FBRSL1: variants seen among roughly 807,000 people sequenced by gnomAD.
The protein encoded by FBRSL1 is fibrosin-1-like protein.
FBRSL1 carries 51 observed loss-of-function variants against 89.6 expected under a neutral mutation model. The observed-to-expected ratio is 0.57, with a 90% CI of 0.45 to 0.72. FBRSL1 has a LOEUF of 0.72. FBRSL1 is among the 30% of genes least tolerant of loss of function. The pLI is 0.00. For missense variants in FBRSL1, 1,618 were observed against 1,451.8 expected, an observed-to-expected ratio of 1.11 and a Z score of -1.86; for synonymous variants, 779 against 681.1, an observed-to-expected ratio of 1.14 and a Z score of -2.24.
At chr12:132,547,032 T>A (rs977690817) in intron 4 of FBRSL1, among the ~76,000 whole-genome samples, 1 of 152,204 alleles carries the variant, frequency 6.6e-6, no homozygotes, top group African/African-American at 2.4e-5. Flanking sequence ...CACCAGGTCA[T>A]TCATTCGACG....
intron 7 of FBRSL1, 39 bp from the exon 8 acceptor site, chr12:132,570,296 G>C: frequency 6.6e-7 from 1 of 1,516,738 alleles, no homozygotes; most frequent in Non-Finnish European, 8.8e-7. Context: ...GGGCTCTGCA[G>C]GGGTCGGGCT....
chr12:132,580,809 G>A, intron 15 of FBRSL1: 1 of 985,456 alleles, frequency 1.0e-6, no homozygotes, highest in African/African-American at 1.7e-5. Context: ...CCTGCTCTCT[G>A]GACCCATGTG....
At chr12:132,510,536 C>G in intron 2 of FBRSL1, 1 of 1,231,444 alleles carries the variant, frequency 8.1e-7, no homozygotes, top group Non-Finnish European at 1.0e-6. Context: ...GGCCGCATTG[C>G]CCTTCGGGCT....
At chr12:132,500,399 A>G (rs1186372264) in intron 1 of FBRSL1, among the ~76,000 whole-genome samples, 1 of 152,174 alleles carries the variant, frequency 6.6e-6, no homozygotes, top group Non-Finnish European at 1.5e-5. Flanking sequence ...GTGGCTGAGC[A>G]GGATCAGAAC....
intron 1 of FBRSL1, among the ~76,000 whole-genome samples, chr12:132,506,432 C>T (rs1343487217): frequency 1.3e-5 from 2 of 152,156 alleles, no homozygotes; most frequent in African/African-American, 4.8e-5. Flanking sequence ...ACCACCCGGT[C>T]CCGCCTCCTC....
At chr12:132,547,788 G>A (rs951949560) in intron 4 of FBRSL1, among the ~76,000 whole-genome samples, 7 of 152,122 alleles carry the variant, frequency 4.6e-5, no homozygotes, top group African/African-American at 1.4e-4. Context: ...CATCCCACCC[G>A]GGGGGCTGTG....
In FBRSL1 at chr12:132,582,720, C is replaced by T. The variant is rs906291261; in HGVS notation, c.2202-251C>T. ...GCCCCCCTGTCCTAACAGGGAGGGGCCCGTGGGGAGCCGAAGTCGCTGCAG... is the reference window on the plus strand; with the variant it reads ...GCCCCCCTGTCCTAACAGGGAGGGGTCCGTGGGGAGCCGAAGTCGCTGCAG... On this transcript the variant is annotated intron_variant, in intron 18 of 18. Coordinates refer to ENST00000680143, the MANE Select transcript of FBRSL1 (RefSeq NM_001367871.1). Among the ~76,000 whole-genome samples the T allele has an allele frequency of 3.3e-5, 5 of 152,206 alleles. No individual in the cohort carries two copies. The East Asian group carries it at 5.8e-4, about 18-fold the overall frequency.
chr12:132,514,877 A>G (rs2034696131), intron 2 of FBRSL1, among the ~76,000 whole-genome samples: 1 of 152,242 alleles, frequency 6.6e-6, no homozygotes, highest in African/African-American at 2.4e-5. Flanking sequence ...TACTTTGAAA[A>G]TAGTATTTCA....
intron 7 of FBRSL1, 26 bp downstream of exon 7, chr12:132,570,267 C>T: frequency 6.7e-7 from 1 of 1,502,338 alleles, no homozygotes; most frequent in Non-Finnish European, 8.8e-7. Flanking sequence ...GGGACGGGGC[C>T]TGTGTGGTCT....
rs1163149302 is a variant in FBRSL1 at position 132,491,971 on chromosome 12, T to G, written c.291+1110T>G. ...GGCTCATCACACAGGCTGGCCATCC[T>G]CTGTCCTGCACATTATTAGATGGCT... On this transcript the variant is annotated intron_variant, in intron 1 of 18. Coordinates refer to ENST00000680143, the MANE Select transcript of FBRSL1 (RefSeq NM_001367871.1). Among the ~76,000 whole-genome samples the G allele has an allele frequency of 2.6e-5, 4 of 152,364 alleles. No homozygotes were observed. The South Asian group carries it at 6.2e-4, about 24-fold the overall frequency.
At chr12:132,552,066 C>T (rs2038217664) in intron 5 of FBRSL1, 1 of 208,140 alleles carries the variant, frequency 4.8e-6, no homozygotes, top group Non-Finnish European at 1.0e-5. Context: ...TGGCGTGGGG[C>T]CGACCCCGCA....
chr12:132,521,230 G>A (rs1369498504), intron 2 of FBRSL1, among the ~76,000 whole-genome samples: 2 of 152,242 alleles, frequency 1.3e-5, no homozygotes, highest in African/African-American at 4.8e-5. Context: ...CGGGAGCTGC[G>A]AGGAGGAGGG....
In FBRSL1 at chr12:132,570,382, C is replaced by T. The variant is rs1381173796; in HGVS notation, c.1055C>T (p.Ser352Leu). The T allele has an allele frequency of 2.4e-5, 37 of 1,533,894 alleles. No homozygotes were observed. In the East Asian group the frequency reaches 3.2e-4, roughly 13 times the overall value. The stretch of plus-strand genomic sequence containing the variant: ...GGCCTGGGGAAGCACGTGTCGCTGT[C>T]GCCACACGGGCCGGGCCCCCACCTG... ...PLGLGKHVSL[S>L]PHGPGPHLST... The change falls in exon 8 of 19, where the codon TCG becomes TTG. Residue 352 changes from serine (S) to leucine (L), a missense_variant. Physicochemically the swap from Ser to Leu is moderately radical, Grantham distance 145. Transcript: ENST00000680143.
chr12:132,569,879 A>AG (rs1191406873), intron 6 of FBRSL1, 47 bp from the exon 7 acceptor site: 1 of 1,314,114 alleles, frequency 7.6e-7, no homozygotes, highest in East Asian at 3.1e-5. Context: ...CAGGAGGGGC[A>AG]GGGACGAGGC....
At chr12:132,556,039 T>C (rs2038606386) in intron 5 of FBRSL1, among the ~76,000 whole-genome samples, 1 of 152,164 alleles carries the variant, frequency 6.6e-6, no homozygotes, top group Non-Finnish European at 1.5e-5. Context: ...TGGGTTTCTG[T>C]GTTTCCGCGA....
intron 1 of FBRSL1, chr12:132,507,068 A>T: frequency 2.5e-6 from 1 of 395,828 alleles, no homozygotes; most frequent in Non-Finnish European, 3.4e-6. Context: ...GTCTGCCCTT[A>T]CCGGAGGGAC....
intron 4 of FBRSL1, among the ~76,000 whole-genome samples, chr12:132,542,357 C>T (rs900820007): frequency 4.6e-5 from 7 of 152,272 alleles, no homozygotes; most frequent in Non-Finnish European, 1.0e-4. Context: ...TCTCACCCGA[C>T]ACTCAGGCTG....
At chr12:132,492,808 C>T (rs964960635) in intron 1 of FBRSL1, among the ~76,000 whole-genome samples, 2 of 152,242 alleles carry the variant, frequency 1.3e-5, no homozygotes, top group Non-Finnish European at 1.5e-5. Flanking sequence ...CTCTGCCCTT[C>T]GGAGCCTGCC....
At chr12:132,494,406 T>C (rs2031638462) in intron 1 of FBRSL1, among the ~76,000 whole-genome samples, 1 of 152,244 alleles carries the variant, frequency 6.6e-6, no homozygotes, top group Admixed American at 6.5e-5. Flanking sequence ...GCCATCCTTA[T>C]CTGGCCTCAG....
Sources: gnomAD v4.1 joint callset for allele counts (sites outside exome capture counted in the v4.1 genomes callset) on GRCh38, gnomAD v4.1.1 for gene constraint, MANE v1.5 for transcripts, NCBI Gene and HGNC (gene_info 2026-07-23, HGNC 2026-07-21) for gene names.